The following ABCG5 variants were observed in gnomAD, a reference collection of about 807,000 sequenced individuals.
The protein encoded by ABCG5 is ATP binding cassette subfamily G member 5, also known as ATP-binding cassette sub-family G member 5.
A neutral mutation model predicts 64.5 loss-of-function variants in ABCG5; 64 were observed. That is an observed-to-expected ratio of 0.99 (90% confidence interval 0.81 to 1.22). The LOEUF (loss-of-function observed/expected upper bound fraction) is 1.22. Ranked by LOEUF, ABCG5 falls within the 50% of genes most tolerant of loss-of-function variation. ABCG5 has a pLI of 0.00. For missense variants in ABCG5, 908 were observed against 829.5 expected (o/e 1.09, Z -1.16); for synonymous variants, 385 against 326.3 (o/e 1.18, Z -1.94).
In ABCG5 at chr2:43,826,483, A is replaced by G; in HGVS notation, c.673T>C (p.Cys225Arg). 1 of 1,614,214 alleles carries G rather than the reference A, an allele frequency of 6.2e-7. No homozygotes were observed. Among genetic ancestry groups the G allele is most frequent in the Non-Finnish European group, 8.5e-7 (1 of 1,180,042 alleles). ...ACGACAATCTGATTAGCAGTCATGC[A>G]GTCCAGGCCTGTGGTTGGCTCATCA... is the stretch of plus-strand genomic sequence containing the variant. The part of the protein sequence containing the change: ...LFDEPTTGLD[C>R]MTANQIVVLL... Residue 225 changes from cysteine (C) to arginine (R), a missense_variant, in exon 6 of 13, where the codon TGC becomes CGC. Transcript: ENST00000405322.
chr2:43,808,280 C>T (rs576078394), downstream of ABCG5, among the ~76,000 whole-genome samples: 5 of 149,872 alleles, frequency 3.3e-5, no homozygotes, highest in Non-Finnish European at 7.4e-5. Flanking sequence ...AAAAAACACA[C>T]AAGGAAAAAT....
At chr2:43,824,547 T>G in intron 7 of ABCG5, 115 bp from the exon 8 acceptor site, 1 of 1,588,410 alleles carries the variant, frequency 6.3e-7, no homozygotes, top group Non-Finnish European at 8.5e-7. Context: ...CAAGATAAAA[T>G]TTGTGGTTAA....
Position 43,828,119 on chromosome 2 carries a change from C to T in ABCG5, c.502-4G>A. 2 of 1,613,932 alleles carry T rather than the reference C, an allele frequency of 1.2e-6. No homozygotes were observed. Among genetic ancestry groups the T allele is most frequent in the Non-Finnish European group, 1.7e-6 (2 of 1,180,024 alleles). On this transcript the variant is annotated splice_polypyrimidine_tract_variant and splice_region_variant and intron_variant, in intron 4 of 12. Coordinates refer to ENST00000405322, the MANE Select transcript of ABCG5 (RefSeq NM_022436.3). ...GCTCTGCCATGACGGCCTCCACCTG[C>T]AGGAGACACAAATTACAGGAAGGCT...
At chr2:43,806,297 C>T in the ABCG5 span, among the ~76,000 whole-genome samples, 5 of 152,146 alleles carry the variant, frequency 3.3e-5, no homozygotes, top group Non-Finnish European at 5.9e-5. Context: ...AGCACTAGAT[C>T]GAAAGCCCCA....
chr2:43,839,215 C>G (rs757235723), upstream of ABCG5: 5 of 1,295,110 alleles, frequency 3.9e-6, no homozygotes, highest in South Asian at 1.3e-5. Flanking sequence ...TAGCACCACC[C>G]GGACATCAAG....
the ABCG5 span, among the ~76,000 whole-genome samples, chr2:43,807,231 C>T: frequency 6.6e-6 from 1 of 152,100 alleles, no homozygotes; most frequent in African/African-American, 2.4e-5. Flanking sequence ...AGGAAGACCC[C>T]TTTCATCTTT....
At chr2:43,816,199 AAAT>A (rs1287028215) in intron 11 of ABCG5, among the ~76,000 whole-genome samples, 1 of 152,232 alleles carries the variant, frequency 6.6e-6, no homozygotes, top group Non-Finnish European at 1.5e-5. Flanking sequence ...TTCACTCAAC[AAAT>A]AATGTTTGCA....
chr2:43,838,713 G>A lies in ABCG5; in HGVS notation c.-34C>T, dbSNP rs1357029925. The stretch of plus-strand genomic sequence containing the variant: ...GGCAGCAAAGCTGGGCAAATTTTCT[G>A]GTGGCCGGACCCTCCCCAGAGTGGC... On this transcript the variant is annotated 5_prime_UTR_variant, in exon 1 of 13. Transcript: ENST00000405322. This position sits in a 1 kb window ranked among gnomAD's most constrained non-coding sequence, Gnocchi z 4.2. 1.2e-6 allele frequency: 2 copies of A among 1,610,244 alleles called. No homozygotes were observed. The highest frequency in any genetic ancestry group is 1.1e-5 in the South Asian group (1 of 90,376).
At chr2:43,811,915 A>G (rs2104735611), downstream of ABCG5, among the ~76,000 whole-genome samples, 1 of 152,220 alleles carries the variant, frequency 6.6e-6, no homozygotes, top group East Asian at 1.9e-4. Flanking sequence ...TTAATAACCT[A>G]TTTACATTAT....
At chr2:43,817,953 C>T (rs900220959) in intron 11 of ABCG5, among the ~76,000 whole-genome samples, 1 of 151,964 alleles carries the variant, frequency 6.6e-6, no homozygotes, top group Non-Finnish European at 1.5e-5. Flanking sequence ...GACACCTAGC[C>T]CACCAAACAT....
Position 43,838,089 on chromosome 2 carries a change from T to C in ABCG5, c.144-134A>G. On this transcript the variant is annotated intron_variant, in intron 1 of 12. Coordinates refer to ENST00000405322, the MANE Select transcript of ABCG5 (RefSeq NM_022436.3). This position sits in a 1 kb window ranked among gnomAD's most constrained non-coding sequence, Gnocchi z 4.2. ...CAGGCTCCTAACGTGTTTCAGTCTC[T>C]GCGCCCTCCTCTGTAGAACCTGGCA... 8.2e-7 allele frequency: 1 copy of C among 1,222,778 alleles called. No homozygotes were observed. The highest frequency in any genetic ancestry group is 2.0e-5 in the Admixed American group (1 of 49,976). The allele number at this position is 1,222,778 out of a possible 1,614,324, so 75.7% of individuals were successfully genotyped here. A position where few individuals can be genotyped will look rare whatever the true frequency, so the allele number is the denominator to read the frequency against.
intron 4 of ABCG5, among the ~76,000 whole-genome samples, chr2:43,829,083 C>G (rs1437582183): frequency 1.3e-5 from 2 of 152,196 alleles, no homozygotes; most frequent in African/African-American, 4.8e-5. Context: ...TCATTAAACT[C>G]CTATTTGCAG....
intron 2 of ABCG5, among the ~76,000 whole-genome samples, chr2:43,834,011 C>T (rs1668109548): frequency 6.6e-6 from 1 of 152,212 alleles, no homozygotes; most frequent in Non-Finnish European, 1.5e-5. Flanking sequence ...AAGAAACTTG[C>T]TTGTTGCTGT....
At chr2:43,826,548 T>C (rs2104832146) in intron 5 of ABCG5, 27 bp from the exon 6 acceptor site, 1 of 1,614,126 alleles carries the variant, frequency 6.2e-7, no homozygotes, top group Middle Eastern at 1.7e-4. Flanking sequence ...GCCAGACTTC[T>C]AAGGTAGTGC....
chr2:43,823,036 G>A (rs1667340447), intron 9 of ABCG5, 101 bp from the exon 10 acceptor site: 12 of 1,511,150 alleles, frequency 7.9e-6, no homozygotes, highest in Non-Finnish European at 1.1e-5. Flanking sequence ...GCTGGATGGT[G>A]AGGACCAGCT....
intron 2 of ABCG5, among the ~76,000 whole-genome samples, chr2:43,834,489 C>A (rs1256114738): frequency 6.6e-6 from 1 of 152,166 alleles, no homozygotes; most frequent in Non-Finnish European, 1.5e-5. Context: ...TGTTTTAAGC[C>A]ACTAAATTTT....
At chr2:43,826,351 A>C (rs762575569) in intron 6 of ABCG5, 31 bp downstream of exon 6, 7 of 1,613,222 alleles carry the variant, frequency 4.3e-6, no homozygotes, top group Non-Finnish European at 4.2e-6. Context: ...AACACACCAT[A>C]GACCCGGCCT....
At chr2:43,825,457 C>A (rs759207711) in intron 6 of ABCG5, among the ~76,000 whole-genome samples, 1 of 152,028 alleles carries the variant, frequency 6.6e-6, no homozygotes, top group Non-Finnish European at 1.5e-5. Context: ...GGATACTGGG[C>A]GGAGAAAGTG....
In ABCG5 at chr2:43,822,888, A is replaced by G; in HGVS notation, c.1372T>C (p.Tyr458His). The G allele has an allele frequency of 6.2e-7, 1 of 1,614,162 alleles. No individual in the cohort carries two copies. The highest frequency in any genetic ancestry group is 1.3e-5 in the African/African-American group (1 of 75,060). Residue 458 changes from tyrosine to histidine, a missense_variant, in exon 10 of 13, where the codon TAC becomes CAC. Tyr to His is a moderately conservative substitution (Grantham distance 83). Transcript: ENST00000405322. Reference sequence around the variant, plus strand: ...GCCAGCATCATCTGCCACTTCTGGTAGAGGCCGTCCTGACTCTCCTGGTCG... The same window carrying G: ...GCCAGCATCATCTGCCACTTCTGGTGGAGGCCGTCCTGACTCTCCTGGTCG... ...VSDQESQDGL[Y>H]QKWQMMLAYA...
Sources: allele counts gnomAD v4.1 joint callset (sites outside exome capture counted in the v4.1 genomes callset), GRCh38; gene constraint gnomAD v4.1.1; non-coding constraint Gnocchi (gnomAD v3.1); transcripts MANE v1.5; gene names NCBI Gene and HGNC (gene_info 2026-07-23, HGNC 2026-07-21).